The following KSR2 variants were observed in gnomAD, a reference collection of about 807,000 sequenced individuals.
KSR2 encodes the protein kinase suppressor of ras 2.
KSR2 carries 25 observed loss-of-function variants against 107.8 expected under a neutral mutation model. The observed-to-expected ratio is 0.23, with a 90% CI of 0.17 to 0.32. The LOEUF (loss-of-function observed/expected upper bound fraction) is 0.32, where lower values mean the gene tolerates loss of function less well. KSR2 is among the 10% of genes least tolerant of loss of function. KSR2 has a pLI of 1.00. For synonymous variants in KSR2, 480 were observed against 507.0 expected (o/e 0.95, Z 0.71); for missense variants, 887 against 1,268.9 (o/e 0.70, Z 4.57).
chr12:117,860,176 C>T, intron 2 of KSR2, 115 bp downstream of exon 2: 1 of 1,039,514 alleles, frequency 9.6e-7, no homozygotes, highest in Non-Finnish European at 1.4e-6. Flanking sequence ...TATTGAGAGC[C>T]TGCTATGTGC....
chr12:117,877,077 CAA>C (rs1319920355), intron 1 of KSR2, among the ~76,000 whole-genome samples: 1 of 152,148 alleles, frequency 6.6e-6, no homozygotes. Context: ...TGCCAGTGCT[CAA>C]AAGTTTCCGA....
intron 14 of KSR2, among the ~76,000 whole-genome samples, chr12:117,523,593 T>G (rs1419543825): frequency 6.6e-6 from 1 of 152,226 alleles, no homozygotes; most frequent in Non-Finnish European, 1.5e-5. Context: ...GAACTATCCC[T>G]TCTTTGTACC....
intron 5 of KSR2, among the ~76,000 whole-genome samples, chr12:117,607,292 T>C (rs1881328479): frequency 6.6e-6 from 1 of 152,226 alleles, no homozygotes; most frequent in Non-Finnish European, 1.5e-5. Flanking sequence ...AGAACTTAGA[T>C]GCATTCAAAG....
chr12:117,921,523 T>G (rs1895347818), intron 1 of KSR2, among the ~76,000 whole-genome samples: 1 of 152,096 alleles, frequency 6.6e-6, no homozygotes, highest in Non-Finnish European at 1.5e-5. Context: ...CCAGGACACT[T>G]CTAATCAAGG....
chr12:117,552,061 G>A (rs1473399602), intron 9 of KSR2, among the ~76,000 whole-genome samples: 3 of 152,160 alleles, frequency 2.0e-5, no homozygotes, highest in African/African-American at 4.8e-5. Flanking sequence ...CAGAAGCCTC[G>A]CCATTTGAAT....
chr12:117,650,182 A>C (rs1883833093), intron 5 of KSR2, among the ~76,000 whole-genome samples: 2 of 152,202 alleles, frequency 1.3e-5, no homozygotes, highest in African/African-American at 4.8e-5. Flanking sequence ...TCCAGGGAAT[A>C]TAAAGCAGGC....
intron 1 of KSR2, among the ~76,000 whole-genome samples, chr12:117,898,420 A>G (rs1045784718): frequency 6.6e-6 from 1 of 151,778 alleles, no homozygotes; most frequent in African/African-American, 2.4e-5. Context: ...TCTGGGTTCA[A>G]GCAATTTTCC....
At chr12:117,655,742 A>G (rs952995763) in intron 5 of KSR2, among the ~76,000 whole-genome samples, 1 of 152,188 alleles carries the variant, frequency 6.6e-6, no homozygotes, top group African/African-American at 2.4e-5. Flanking sequence ...CCTACCTTTA[A>G]GTCAACAGGC....
At chr12:117,541,118 G>GGAACA (rs1228913820) in intron 9 of KSR2, among the ~76,000 whole-genome samples, 1 of 151,606 alleles carries the variant, frequency 6.6e-6, no homozygotes, top group African/African-American at 2.4e-5. Context: ...CAGGCAGGGG[G>GGAACA]GAACAGTAGC....
chr12:117,921,448 T>A (rs1237784970), intron 1 of KSR2, among the ~76,000 whole-genome samples: 2 of 151,942 alleles, frequency 1.3e-5, no homozygotes, highest in Admixed American at 6.6e-5. Context: ...AGAGATGGGG[T>A]CTTGCTACAT....
chr12:117,851,661 C>T (rs972250585), intron 3 of KSR2, among the ~76,000 whole-genome samples: 19 of 151,966 alleles, frequency 1.3e-4, no homozygotes, highest in African/African-American at 4.1e-4. Context: ...GAGGTCGAGC[C>T]GGATGGATCA....
intron 14 of KSR2, among the ~76,000 whole-genome samples, chr12:117,518,842 T>C (rs1341885689): frequency 6.6e-6 from 1 of 152,198 alleles, no homozygotes; most frequent in Admixed American, 6.5e-5. Context: ...CAATGCCTCT[T>C]CATTGCTAGA....
Position 117,933,737 on chromosome 12 carries a change from C to T in KSR2, c.180+34339G>A, listed in dbSNP as rs190997663. 2.9e-3 allele frequency among the ~76,000 whole-genome samples: 439 copies of T among 152,304 alleles called. 2 individuals carry two copies. Among genetic ancestry groups the T allele is most frequent in the African/African-American group, 0.01 (421 of 41,568 alleles). On this transcript the variant is annotated intron_variant, in intron 1 of 19. Transcript: ENST00000339824. ...CACACTACAACCAAGCCCTAAATTG[C>T]GGGGCCACAGTTTCCCAAGTACTTT...
intron 5 of KSR2, among the ~76,000 whole-genome samples, chr12:117,656,164 C>T (rs75291936): frequency 0.031 from 4,755 of 152,282 alleles, 247 homozygotes; most frequent in African/African-American, 0.11. Context: ...TGTTTGTGTA[C>T]GTATACCCTT....
chr12:117,958,247 A>T (rs1593405329), intron 1 of KSR2, among the ~76,000 whole-genome samples: 1 of 152,168 alleles, frequency 6.6e-6, no homozygotes, highest in East Asian at 1.9e-4. Flanking sequence ...CAGCCTCCTT[A>T]ACCCTGAGCT....
At chr12:117,501,084 A>G (rs1443481609) in intron 14 of KSR2, among the ~76,000 whole-genome samples, 2 of 152,264 alleles carry the variant, frequency 1.3e-5, no homozygotes, top group Non-Finnish European at 2.9e-5. Flanking sequence ...CCCATTAGCT[A>G]AGAATGATTT....
At chr12:117,853,695 A>G (rs1273720110) in intron 3 of KSR2, among the ~76,000 whole-genome samples, 1 of 151,986 alleles carries the variant, frequency 6.6e-6, no homozygotes, top group Non-Finnish European at 1.5e-5. Context: ...CTGTGGGTAA[A>G]GAGAGAAAGT....
chr12:117,488,145 C>T (rs146406470), intron 14 of KSR2, among the ~76,000 whole-genome samples: 172 of 152,234 alleles, frequency 1.1e-3, no homozygotes, highest in African/African-American at 3.9e-3. Flanking sequence ...CTTTGTTTCC[C>T]CTTTGCCTCC....
chr12:117,752,701 T>C lies in KSR2; in HGVS notation c.986+8310A>G, dbSNP rs150800408. On this transcript the variant is annotated intron_variant, in intron 4 of 19. Transcript: ENST00000339824. ...GCAATTATAATTGAAAAATCACCTT[T>C]AACAAGGATTTGAAAAAATATATAT... Among the ~76,000 whole-genome samples, 67 of 152,358 alleles carry C rather than the reference T, an allele frequency of 4.4e-4. No individual in the cohort carries two copies. The East Asian group carries it at 0.011, about 25-fold the overall frequency.
Sources: gnomAD v4.1 joint callset for allele counts (sites outside exome capture counted in the v4.1 genomes callset) on GRCh38, gnomAD v4.1.1 for gene constraint, MANE v1.5 for transcripts, NCBI Gene and HGNC (gene_info 2026-07-23, HGNC 2026-07-21) for gene names.